PTPRT: variants seen among roughly 807,000 people sequenced by gnomAD.
PTPRT encodes the protein protein tyrosine phosphatase receptor type T, also known as receptor-type tyrosine-protein phosphatase T.
A neutral mutation model predicts 176.8 loss-of-function variants in PTPRT; 56 were observed. That is an observed-to-expected ratio of 0.32 (90% confidence interval 0.26 to 0.40). The LOEUF (loss-of-function observed/expected upper bound fraction) is 0.40, where lower values mean the gene tolerates loss of function less well. Ranked by LOEUF, PTPRT falls within the 10% of genes least tolerant of loss-of-function variation. PTPRT has a pLI of 1.00. For missense variants in PTPRT, 1,540 were observed against 1,908.2 expected, an observed-to-expected ratio of 0.81 and a Z score of 3.60; for synonymous variants, 783 against 739.0, an observed-to-expected ratio of 1.06 and a Z score of -0.96.
At chr20:43,170,642 C>T (rs1382582281) in intron 1 of PTPRT, among the ~76,000 whole-genome samples, 2 of 152,180 alleles carry the variant, frequency 1.3e-5, no homozygotes, top group Non-Finnish European at 2.9e-5. Flanking sequence ...AGGTATTTGA[C>T]ATGCATCCTC....
chr20:42,950,345 T>C (rs1470853158), intron 1 of PTPRT, among the ~76,000 whole-genome samples: 2 of 152,246 alleles, frequency 1.3e-5, no homozygotes, highest in African/African-American at 2.4e-5. Flanking sequence ...CCTGTTCTTA[T>C]ATGGGGCCAG....
chr20:42,443,615 G>A (rs2059338157), intron 9 of PTPRT, among the ~76,000 whole-genome samples: 1 of 152,204 alleles, frequency 6.6e-6, no homozygotes, highest in Non-Finnish European at 1.5e-5. Flanking sequence ...CTTTCAGTGG[G>A]CAGAGAGAGA....
At chr20:42,971,535 AT>A (rs533505874) in intron 1 of PTPRT, 2 of 150,130 alleles carry the variant, frequency 1.3e-5, no homozygotes, top group African/African-American at 2.4e-5. Context: ...CATTTCTTCC[AT>A]TTTTTTTTCA....
chr20:43,064,164 C>G (rs1448784308), intron 1 of PTPRT, among the ~76,000 whole-genome samples: 1 of 152,136 alleles, frequency 6.6e-6, no homozygotes, highest in South Asian at 2.1e-4. Flanking sequence ...AAATTTACAA[C>G]TGAATTCTAG....
intron 12 of PTPRT, among the ~76,000 whole-genome samples, chr20:42,302,454 C>T (rs1381501314): frequency 6.6e-6 from 1 of 152,278 alleles, no homozygotes; most frequent in African/African-American, 2.4e-5. Flanking sequence ...ATACACTTTC[C>T]TCTGCCCCAC....
At chr20:42,413,919 T>A (rs1397057641) in intron 9 of PTPRT, among the ~76,000 whole-genome samples, 3 of 152,160 alleles carry the variant, frequency 2.0e-5, no homozygotes, top group Non-Finnish European at 4.4e-5. Context: ...GGCGCAATCT[T>A]GGCTCACCGC....
chr20:42,775,005 G>A (rs572220282), intron 4 of PTPRT, among the ~76,000 whole-genome samples: 58 of 152,284 alleles, frequency 3.8e-4, no homozygotes, highest in African/African-American at 1.3e-3. Context: ...TGCTCTGGGA[G>A]AGAACTTATA....
intron 17 of PTPRT, among the ~76,000 whole-genome samples, chr20:42,153,083 A>G (rs1989206130): frequency 6.7e-6 from 1 of 149,422 alleles, no homozygotes; most frequent in Non-Finnish European, 1.5e-5. Context: ...AACTTCTGAT[A>G]GCTTTTGGCA....
chr20:42,886,248 C>T (rs890323524), intron 1 of PTPRT, among the ~76,000 whole-genome samples: 33 of 152,104 alleles, frequency 2.2e-4, no homozygotes, highest in Non-Finnish European at 5.9e-5. Flanking sequence ...AATGCAGGGG[C>T]ATGCCTCTGT....
intron 1 of PTPRT, among the ~76,000 whole-genome samples, chr20:42,974,403 T>C (rs796494638): frequency 1.3e-5 from 2 of 152,226 alleles, no homozygotes; most frequent in African/African-American, 4.8e-5. Flanking sequence ...CTCAACTTTG[T>C]CATTATTTTT....
rs1568918444 is a variant in PTPRT, at chr20:42,481,808, G to GCA, written c.1154-9247_1154-9246insTG. Among the ~76,000 whole-genome samples the GCA allele has an allele frequency of 4.0e-5, 6 of 150,984 alleles. No individual in the cohort carries two copies. The East Asian group carries it at 1.2e-3, about 30-fold the overall frequency. ...CACACACACACACACACACACACGC[G>GCA]CGCATGTATATATATGGTTATCATA... On this transcript the variant is annotated intron_variant, in intron 7 of 30. Coordinates refer to ENST00000373187, the MANE Select transcript of PTPRT (RefSeq NM_007050.6).
chr20:42,403,160 A>T (rs1419130379), intron 9 of PTPRT, among the ~76,000 whole-genome samples: 1 of 152,110 alleles, frequency 6.6e-6, no homozygotes, highest in African/African-American at 2.4e-5. Flanking sequence ...CATTCTAGGT[A>T]TACGATTTTT....
intron 1 of PTPRT, among the ~76,000 whole-genome samples, chr20:43,158,737 A>T (rs775789484): frequency 6.6e-6 from 1 of 152,208 alleles, no homozygotes; most frequent in Non-Finnish European, 1.5e-5. Flanking sequence ...TGTGTAAAAT[A>T]GGAAGCCAGT....
chr20:42,993,580 A>ACATATATGTGTGTGTATATAT (rs1568722811), intron 1 of PTPRT, among the ~76,000 whole-genome samples: 1 of 148,074 alleles, frequency 6.8e-6, no homozygotes, highest in African/African-American at 2.6e-5. Flanking sequence ...ATATATATAC[A>ACATATATGTGTGTGTATATAT]ATCTGCCATA....
At chr20:42,350,277 G>A (rs1251448768) in intron 11 of PTPRT, among the ~76,000 whole-genome samples, 1 of 136,548 alleles carries the variant, frequency 7.3e-6, no homozygotes, top group Admixed American at 8.0e-5. Flanking sequence ...TGCCCAGGCT[G>A]GAGTGCAGTG....
Position 42,102,133 on chromosome 20 carries a change from T to G in PTPRT, c.3705A>C (p.Ala1235=), listed in dbSNP as rs1174378404. 1.9e-6 allele frequency: 3 copies of G among 1,613,776 alleles called. No homozygotes were observed. The highest frequency in any genetic ancestry group is 2.5e-6 in the Non-Finnish European group (3 of 1,179,834). ...DGESSNYINA[A]LMDSHKQPAA... is the part of the protein sequence containing the mutation. ...CCCGGGCTCGGCTTACATCCATCAG[T>G]GCTGCGTTGATGTAATTGCTGGATT... The change falls in exon 26 of 31, where the codon GCA becomes GCC. Residue 1235 remains alanine, a synonymous_variant. Coordinates refer to ENST00000373187, the MANE Select transcript of PTPRT (RefSeq NM_007050.6).
rs141456781 is a variant in PTPRT at position 42,685,704 on chromosome 20, A to T, written c.860-7545T>A. On this transcript the variant is annotated intron_variant, in intron 6 of 30. Coordinates refer to ENST00000373187, the MANE Select transcript of PTPRT (RefSeq NM_007050.6). ...TAGATTTAAATACATGAAAACGCTG[A>T]CGTTTTTCTTAGGGTTATGAGAATA... The T allele has an allele frequency of 2.0e-5, 3 of 152,286 alleles. No homozygotes were observed. In the East Asian group the frequency reaches 5.8e-4, roughly 29 times the overall value. 9.4% of individuals were successfully genotyped at this position (152,286 alleles called of 1,614,324 possible).
chr20:42,140,982 C>T (rs759577183), intron 18 of PTPRT, among the ~76,000 whole-genome samples: 1 of 152,102 alleles, frequency 6.6e-6, no homozygotes, highest in Admixed American at 6.5e-5. Flanking sequence ...TTCCCAGGGC[C>T]CTACAGTTGG....
At chr20:42,221,547 G>A (rs1446495182) in intron 15 of PTPRT, among the ~76,000 whole-genome samples, 3 of 147,174 alleles carry the variant, frequency 2.0e-5, no homozygotes, top group African/African-American at 7.5e-5. Flanking sequence ...TTTTTTTTGA[G>A]ACAGAGTCTT....
Sources: gnomAD v4.1 joint callset for allele counts (sites outside exome capture counted in the v4.1 genomes callset) on GRCh38, gnomAD v4.1.1 for gene constraint, MANE v1.5 for transcripts, NCBI Gene and HGNC (gene_info 2026-07-23, HGNC 2026-07-21) for gene names.